HHAT: variants seen among roughly 807,000 people sequenced by gnomAD.
The protein encoded by HHAT is hedgehog acyltransferase.
HHAT carries 47 observed loss-of-function variants against 70.8 expected under a neutral mutation model. The observed-to-expected ratio is 0.66, with a 90% CI of 0.53 to 0.85. HHAT has a LOEUF of 0.85. Among genes scored for constraint, HHAT ranks in the 40% least tolerant of loss-of-function variants. HHAT has a pLI of 0.00. For synonymous variants in HHAT, 228 were observed against 247.6 expected (o/e 0.92, Z 0.74); for missense variants, 609 against 604.8 (o/e 1.01, Z -0.07).
At chr1:210,667,328 G>A (rs575574379) in intron 11 of HHAT, among the ~76,000 whole-genome samples, 56 of 152,244 alleles carry the variant, frequency 3.7e-4, no homozygotes, top group Non-Finnish European at 5.9e-4. Context: ...GTTGCGGTGA[G>A]CCAAGATCGT....
intron 5 of HHAT, among the ~76,000 whole-genome samples, chr1:210,403,772 TA>T (rs1445399042): frequency 6.6e-6 from 1 of 152,214 alleles, no homozygotes; most frequent in African/African-American, 2.4e-5. Context: ...AAATACTTCA[TA>T]ATTTTACTCC....
At chr1:210,359,340 T>C (rs2087993533) in intron 2 of HHAT, among the ~76,000 whole-genome samples, 1 of 152,244 alleles carries the variant, frequency 6.6e-6, no homozygotes, top group Non-Finnish European at 1.5e-5. Context: ...TTAGAAATTA[T>C]GGCTTAGGAG....
chr1:210,620,383 C>T (rs191885868), intron 10 of HHAT, among the ~76,000 whole-genome samples: 3 of 152,268 alleles, frequency 2.0e-5, no homozygotes, highest in African/African-American at 7.2e-5. Context: ...CCAGAGAATG[C>T]AAAGAGGAGA....
intron 7 of HHAT, among the ~76,000 whole-genome samples, chr1:210,421,782 G>T (rs892082276): frequency 3.3e-5 from 5 of 152,130 alleles, no homozygotes; most frequent in Admixed American, 3.3e-4. Flanking sequence ...GTTAACTTTT[G>T]CCCATTTTTC....
At chr1:210,426,250 C>T (rs192042399) in intron 7 of HHAT, among the ~76,000 whole-genome samples, 8 of 152,244 alleles carry the variant, frequency 5.3e-5, no homozygotes, top group African/African-American at 1.7e-4. Context: ...TGGGCTGAGA[C>T]GATGGCATTT....
chr1:210,576,769 G>T (rs912965925), intron 9 of HHAT, among the ~76,000 whole-genome samples: 5 of 152,146 alleles, frequency 3.3e-5, no homozygotes, highest in Admixed American at 2.0e-4. Context: ...AACCTTTCAT[G>T]TGTATGCAGT....
rs74860792 is a variant in HHAT, at chr1:210,434,880, T to C, written c.856+16555T>C. 8.2e-3 allele frequency among the ~76,000 whole-genome samples: 1,252 copies of C among 152,080 alleles called. 45 individuals carry two copies. The highest frequency in any genetic ancestry group is 0.029 in the African/African-American group (1,180 of 41,314). ...AACTTTTTAACTTGTAAAACTGATA[T>C]ATGATGTACATATTTTGGGGGTATA... On this transcript the variant is annotated intron_variant, in intron 7 of 11. Coordinates refer to ENST00000261458, the MANE Select transcript of HHAT (RefSeq NM_018194.6).
intron 1 of HHAT, among the ~76,000 whole-genome samples, 197 bp from the exon 2 acceptor site, chr1:210,348,736 C>CGTGCGT (rs1553317703): frequency 4.3e-4 from 63 of 148,036 alleles, no homozygotes; most frequent in African/African-American, 1.5e-3. Context: ...TGTATGTGTG[C>CGTGCGT]GTGTGTGTGT....
At chr1:210,674,146 G>C in intron 11 of HHAT, 142 bp from the exon 12 acceptor site, 1 of 662,186 alleles carries the variant, frequency 1.5e-6, no homozygotes. Flanking sequence ...CTCAATTGCT[G>C]AAGTTGTCAT....
intron 10 of HHAT, among the ~76,000 whole-genome samples, chr1:210,609,376 T>C (rs988756538): frequency 6.6e-6 from 1 of 151,352 alleles, no homozygotes; most frequent in Non-Finnish European, 1.5e-5. Flanking sequence ...TTTCCTTAAA[T>C]AAAAACTTTT....
chr1:210,626,418 A>G (rs979849109), intron 11 of HHAT, among the ~76,000 whole-genome samples: 7 of 152,122 alleles, frequency 4.6e-5, no homozygotes, highest in Non-Finnish European at 8.8e-5. Context: ...GCTCTGTGGA[A>G]TCATCTCTCT....
chr1:210,551,422 A>G (rs2095526967), intron 9 of HHAT, among the ~76,000 whole-genome samples: 1 of 149,296 alleles, frequency 6.7e-6, no homozygotes, highest in African/African-American at 2.5e-5. Flanking sequence ...TAACCCTGCT[A>G]GAAGATTGGT....
chr1:210,514,902 G>A (rs181892604), intron 9 of HHAT, among the ~76,000 whole-genome samples: 25 of 152,318 alleles, frequency 1.6e-4, no homozygotes, highest in East Asian at 9.7e-4. Context: ...CTGCCTTTGC[G>A]ATCCCTCTTC....
intron 1 of HHAT, among the ~76,000 whole-genome samples, chr1:210,341,220 G>C (rs967027670): frequency 6.6e-6 from 1 of 152,176 alleles, no homozygotes; most frequent in African/African-American, 2.4e-5. Flanking sequence ...TTAATGATGA[G>C]AGCTGTCTTG....
chr1:210,606,387 A>AT (rs1192618034), intron 10 of HHAT, among the ~76,000 whole-genome samples: 2 of 151,988 alleles, frequency 1.3e-5, no homozygotes, highest in Non-Finnish European at 1.5e-5. Context: ...TTGCCTTGCC[A>AT]TTTTTTTCTT....
At chr1:210,617,572 C>T (rs1667996980) in intron 10 of HHAT, among the ~76,000 whole-genome samples, 1 of 152,168 alleles carries the variant, frequency 6.6e-6, no homozygotes, top group Non-Finnish European at 1.5e-5. Flanking sequence ...CCAAACATGG[C>T]TTAAGTTCTC....
At chr1:210,618,625 C>A (rs1253129748) in intron 10 of HHAT, among the ~76,000 whole-genome samples, 1 of 152,144 alleles carries the variant, frequency 6.6e-6, no homozygotes, top group Admixed American at 6.5e-5. Flanking sequence ...CTCAGCCCCA[C>A]ATGCAGCCCC....
At chr1:210,479,116 A>G (rs976793921) in intron 8 of HHAT, among the ~76,000 whole-genome samples, 7 of 152,126 alleles carry the variant, frequency 4.6e-5, no homozygotes, top group South Asian at 2.1e-4. Context: ...AGTGTCCCCT[A>G]TCGTTTGACC....
chr1:210,379,057 A>G (rs1404479988), intron 3 of HHAT, among the ~76,000 whole-genome samples: 2 of 152,234 alleles, frequency 1.3e-5, no homozygotes, highest in Non-Finnish European at 2.9e-5. Flanking sequence ...GCAGGCACTA[A>G]GTGAGCTACC....
Sources: gnomAD v4.1 joint callset for allele counts (sites outside exome capture counted in the v4.1 genomes callset) on GRCh38, gnomAD v4.1.1 for gene constraint, MANE v1.5 for transcripts, NCBI Gene and HGNC (gene_info 2026-07-23, HGNC 2026-07-21) for gene names.